The following CSGALNACT1 variants were observed in gnomAD, a reference collection of about 807,000 sequenced individuals.
CSGALNACT1 encodes chondroitin sulfate N-acetylgalactosaminyltransferase 1, also known as beta4GalNAcT-1.
CSGALNACT1 carries 52 observed loss-of-function variants against 51.0 expected under a neutral mutation model. That is an observed-to-expected ratio of 1.02 (90% CI 0.82 to 1.29). The LOEUF (loss-of-function observed/expected upper bound fraction) is 1.29, where lower values mean the gene tolerates loss of function less well. Ranked by LOEUF, CSGALNACT1 falls within the 50% of genes most tolerant of loss-of-function variation. CSGALNACT1 has a pLI of 0.00. For synonymous variants in CSGALNACT1, 341 were observed against 254.4 expected, an observed-to-expected ratio of 1.34 and a Z score of -3.24; for missense variants, 935 against 679.2, an observed-to-expected ratio of 1.38 and a Z score of -4.19.
intron 4 of CSGALNACT1, among the ~76,000 whole-genome samples, chr8:19,494,005 T>A (rs758853376): frequency 1.3e-5 from 2 of 152,172 alleles, no homozygotes; most frequent in Non-Finnish European, 2.9e-5. Flanking sequence ...TAATCCTCTA[T>A]CCTGCTATCC....
rs144295336 is a variant in CSGALNACT1 at position 19,405,940 on chromosome 8, C to T, written c.1439G>A (p.Arg480His). The T allele has an allele frequency of 4.7e-4, 764 of 1,614,098 alleles. 5 individuals are homozygous for T. The African/African-American group carries it at 9.0e-3, about 19-fold the overall frequency. ...CTCGGGGGTCAGCTCGTCCATGCAG[C>T]GCTTCTCATGCCAGAGGTGGAAGAG... The change falls in exon 10 of 10, where the codon CGC (arginine) becomes CAC (histidine). Residue 480 changes from arginine to histidine, a missense_variant. Arg to His is a conservative substitution (Grantham distance 29). Transcript: ENST00000454498.
At chr8:19,488,216 G>A (rs953917159) in intron 4 of CSGALNACT1, among the ~76,000 whole-genome samples, 1 of 151,710 alleles carries the variant, frequency 6.6e-6, no homozygotes, top group African/African-American at 2.4e-5. Flanking sequence ...CAGGTGTGGT[G>A]GTGTGCACCT....
chr8:19,457,923 A>C (rs1443040562), intron 5 of CSGALNACT1: 17 of 703,110 alleles, frequency 2.4e-5, no homozygotes, highest in Non-Finnish European at 3.7e-5. Context: ...GCAGGTTACA[A>C]TAAAAGATAG....
intron 3 of CSGALNACT1, among the ~76,000 whole-genome samples, chr8:19,530,311 T>TAC (rs72389712): frequency 0.11 from 6,337 of 59,708 alleles, 301 homozygotes; most frequent in African/African-American, 0.32. Context: ...TGTGTACACA[T>TAC]ACACACACAC....
chr8:19,450,509 C>T lies in CSGALNACT1; in HGVS notation c.851+7917G>A, dbSNP rs189028370. Among the ~76,000 whole-genome samples, 10 of 152,174 alleles carry T rather than the reference C, an allele frequency of 6.6e-5. No homozygotes were observed. The East Asian group carries it at 7.7e-4, about 12-fold the overall frequency. ...GGCATCCGGGGGAGAAGAAACTTCACGTGAAGCCTGTGAGGGTCCCACATC... is the reference window on the plus strand; with the variant it reads ...GGCATCCGGGGGAGAAGAAACTTCATGTGAAGCCTGTGAGGGTCCCACATC... On this transcript the variant is annotated intron_variant, in intron 5 of 9. Transcript: ENST00000454498.
intron 4 of CSGALNACT1, among the ~76,000 whole-genome samples, chr8:19,498,506 G>A (rs1405146129): frequency 6.6e-6 from 1 of 152,076 alleles, no homozygotes; most frequent in East Asian, 1.9e-4. Flanking sequence ...CCCCTCCTAA[G>A]CCTGCAGCAG....
intron 1 of CSGALNACT1, among the ~76,000 whole-genome samples, chr8:19,671,349 T>A (rs1202040392): frequency 6.6e-6 from 1 of 152,184 alleles, no homozygotes; most frequent in East Asian, 1.9e-4. Context: ...ACTAGTTAGG[T>A]GTACACGACA....
intron 6 of CSGALNACT1, among the ~76,000 whole-genome samples, chr8:19,424,774 A>G (rs1255961739): frequency 2.0e-5 from 3 of 152,150 alleles, no homozygotes; most frequent in South Asian, 2.1e-4. Flanking sequence ...CCATTCAAAC[A>G]CAATGACACA....
intron 1 of CSGALNACT1, among the ~76,000 whole-genome samples, chr8:19,657,035 C>G (rs551951091): frequency 3.4e-4 from 50 of 148,122 alleles, no homozygotes; most frequent in Non-Finnish European, 5.2e-4. Flanking sequence ...TGCACTCCAG[C>G]CCAGGCAACA....
At chr8:19,511,812 G>C (rs972381055) in intron 3 of CSGALNACT1, among the ~76,000 whole-genome samples, 1 of 152,232 alleles carries the variant, frequency 6.6e-6, no homozygotes, top group Non-Finnish European at 1.5e-5. Context: ...CAGGAGGCAT[G>C]GCTGGGGAGG....
At chr8:19,599,203 T>C (rs1401842400) in intron 2 of CSGALNACT1, among the ~76,000 whole-genome samples, 2 of 151,830 alleles carry the variant, frequency 1.3e-5, no homozygotes, top group South Asian at 2.1e-4. Flanking sequence ...GACAGGAGCA[T>C]GGAGAGCCAA....
chr8:19,405,119 A>G, exon 10 of CSGALNACT1: 1 of 453,562 alleles, frequency 2.2e-6, no homozygotes, highest in Non-Finnish European at 4.4e-6. Context: ...TAATTAAATA[A>G]GCAGACTATA....
chr8:19,421,753 T>C (rs975907729), intron 6 of CSGALNACT1, among the ~76,000 whole-genome samples: 1 of 152,260 alleles, frequency 6.6e-6, no homozygotes, highest in Non-Finnish European at 1.5e-5. Flanking sequence ...AAACTAGTTC[T>C]GCGACTCCCT....
At chr8:19,668,999 G>A (rs2059589896) in intron 1 of CSGALNACT1, among the ~76,000 whole-genome samples, 1 of 152,158 alleles carries the variant, frequency 6.6e-6, no homozygotes, top group Non-Finnish European at 1.5e-5. Context: ...AAATGCTTCT[G>A]CAGAAAAACA....
chr8:19,753,311 C>T (rs1287374738), intron 1 of CSGALNACT1, among the ~76,000 whole-genome samples: 3 of 152,086 alleles, frequency 2.0e-5, no homozygotes, highest in Admixed American at 2.0e-4. Context: ...AGTTATTCCT[C>T]TTACCCTGTT....
chr8:19,663,740 T>C (rs935965280), intron 1 of CSGALNACT1, among the ~76,000 whole-genome samples: 3 of 152,250 alleles, frequency 2.0e-5, no homozygotes, highest in Non-Finnish European at 4.4e-5. Context: ...AACGCAATAC[T>C]ACATTTCTAT....
At position 19,457,841 on chromosome 8, in the gene CSGALNACT1, C is replaced by G. The variant is rs370168254; in HGVS notation, c.851+585G>C. 135 of 1,343,462 alleles carry G rather than the reference C, an allele frequency of 1.0e-4. No homozygotes were observed. In the African/African-American group the frequency reaches 1.8e-3, roughly 18 times the overall value. 83.2% of individuals were successfully genotyped at this position (1,343,462 alleles called of 1,614,324 possible). A position where few individuals can be genotyped will look rare whatever the true frequency, so the allele number is the denominator to read the frequency against. On this transcript the variant is annotated intron_variant, in intron 5 of 9. Coordinates refer to ENST00000454498, the Ensembl canonical transcript of CSGALNACT1. ...CCTGAAAAATGAAACCCAGCTTAGT[C>G]TCATTGAGTAGCTACAAAAATGTGG...
chr8:19,635,746 G>C (rs969041245), intron 1 of CSGALNACT1, among the ~76,000 whole-genome samples: 1 of 152,086 alleles, frequency 6.6e-6, no homozygotes, highest in Non-Finnish European at 1.5e-5. Flanking sequence ...TTTGTTTTTT[G>C]AGACGGAGTC....
intron 1 of CSGALNACT1, among the ~76,000 whole-genome samples, chr8:19,714,081 T>C (rs1474792223): frequency 6.6e-6 from 1 of 152,212 alleles, no homozygotes; most frequent in Non-Finnish European, 1.5e-5. Context: ...ATCTTGTCTT[T>C]TAAAAGAAGG....
Sources: allele counts gnomAD v4.1 joint callset (sites outside exome capture counted in the v4.1 genomes callset), GRCh38; gene constraint gnomAD v4.1.1; transcripts MANE v1.5; gene names NCBI Gene and HGNC (gene_info 2026-07-23, HGNC 2026-07-21).